The following MARCHF1 variants were observed in gnomAD, a reference collection of about 807,000 sequenced individuals.
The protein encoded by MARCHF1 is E3 ubiquitin-protein ligase MARCHF1.
In MARCHF1, 40 loss-of-function variants were observed where a neutral mutation model predicts 54.2. The ratio of observed to expected loss-of-function variants is 0.74; its 90% confidence interval spans 0.57 to 0.96. MARCHF1 has a LOEUF of 0.96. MARCHF1 is among the 40% of genes least tolerant of loss of function. MARCHF1 has a pLI of 0.00. For missense variants in MARCHF1, 586 were observed against 656.5 expected, an observed-to-expected ratio of 0.89 and a Z score of 1.17; for synonymous variants, 236 against 236.3, an observed-to-expected ratio of 1.00 and a Z score of 0.01.
rs1731275876 is a variant in MARCHF1 at position 164,196,861 on chromosome 4, C to A, written c.-322-85199G>T. Reference sequence around the variant, plus strand: ...CACTTTTCCCGTCTCATTCCCACAGCAATGTTACAATCAGAAAAAAGTAAG... The same window carrying A: ...CACTTTTCCCGTCTCATTCCCACAGAAATGTTACAATCAGAAAAAAGTAAG... On this transcript the variant is annotated intron_variant, in intron 1 of 9. Coordinates refer to ENST00000514618, the MANE Select transcript of MARCHF1 (RefSeq NM_001394959.1). 1.0e-5 allele frequency: 10 copies of A among 968,852 alleles called. No individual in the cohort carries two copies. In the South Asian group the frequency reaches 1.5e-4, roughly 15 times the overall value. The allele number at this position is 968,852 out of a possible 1,614,324, so 60.0% of individuals were successfully genotyped here. A position where few individuals can be genotyped will look rare whatever the true frequency, so the allele number is the denominator to read the frequency against.
chr4:164,160,916 C>T (rs1347118775), intron 1 of MARCHF1, among the ~76,000 whole-genome samples: 1 of 152,134 alleles, frequency 6.6e-6, no homozygotes, highest in Non-Finnish European at 1.5e-5. Flanking sequence ...TAACTCTATG[C>T]TCTTTACAAA....
At chr4:164,166,129 T>C (rs991989904) in intron 1 of MARCHF1, among the ~76,000 whole-genome samples, 3 of 152,000 alleles carry the variant, frequency 2.0e-5, no homozygotes, top group African/African-American at 7.2e-5. Context: ...GAAATTCAAA[T>C]AACTTTATGC....
chr4:163,967,800 C>G (rs550658678), intron 3 of MARCHF1, among the ~76,000 whole-genome samples: 1 of 152,198 alleles, frequency 6.6e-6, no homozygotes, highest in South Asian at 2.1e-4. Flanking sequence ...CTAGCAGGCT[C>G]GAGGCCCAGG....
chr4:163,627,590 G>A (rs577337574), intron 5 of MARCHF1, among the ~76,000 whole-genome samples: 11 of 152,054 alleles, frequency 7.2e-5, no homozygotes, highest in South Asian at 4.2e-4. Context: ...GTTAAGTATC[G>A]TTCAATCTTA....
chr4:164,323,073 A>C (rs1735183629), intron 1 of MARCHF1, among the ~76,000 whole-genome samples: 1 of 151,910 alleles, frequency 6.6e-6, no homozygotes. Flanking sequence ...TCCATTAGAA[A>C]ATTTACACCT....
At chr4:163,974,398 T>C (rs150124861) in intron 3 of MARCHF1, among the ~76,000 whole-genome samples, 13 of 152,278 alleles carry the variant, frequency 8.5e-5, no homozygotes, top group Non-Finnish European at 1.8e-4. Flanking sequence ...GTGTGGGTGT[T>C]TCAGTTGGCA....
chr4:163,683,669 C>T (rs1052069591), intron 5 of MARCHF1, among the ~76,000 whole-genome samples: 3 of 152,162 alleles, frequency 2.0e-5, no homozygotes, highest in African/African-American at 7.2e-5. Context: ...TCAGGTCTTC[C>T]TGCTGGGGTA....
chr4:163,538,530 A>G (rs1333148863), intron 9 of MARCHF1, among the ~76,000 whole-genome samples: 1 of 152,160 alleles, frequency 6.6e-6, no homozygotes, highest in Admixed American at 6.5e-5. Flanking sequence ...GCTAAGGAAT[A>G]GCCAAATCCC....
intron 8 of MARCHF1, 71 bp from the exon 9 acceptor site, chr4:163,545,814 GAC>G: frequency 2.1e-6 from 3 of 1,414,638 alleles, no homozygotes; most frequent in Admixed American, 1.8e-5. Context: ...TTATTTCCCA[GAC>G]ACAGATCATG....
chr4:164,239,371 G>T (rs1732659726), intron 1 of MARCHF1, among the ~76,000 whole-genome samples: 1 of 152,002 alleles, frequency 6.6e-6, no homozygotes, highest in African/African-American at 2.4e-5. Context: ...GCAGACACTT[G>T]AACTACTGTT....
At chr4:163,767,717 A>G in intron 4 of MARCHF1, among the ~76,000 whole-genome samples, 1 of 152,136 alleles carries the variant, frequency 6.6e-6, no homozygotes, top group Non-Finnish European at 1.5e-5. Flanking sequence ...CCTCATCTGT[A>G]TATTGAGAGA....
chr4:164,013,121 T>C (rs1480414183), intron 2 of MARCHF1, among the ~76,000 whole-genome samples: 2 of 152,146 alleles, frequency 1.3e-5, no homozygotes, highest in Non-Finnish European at 2.9e-5. Flanking sequence ...AATTGTTGTA[T>C]TGAGGAAGTT....
chr4:164,236,345 C>A (rs4574365), intron 1 of MARCHF1, among the ~76,000 whole-genome samples: 5,375 of 152,126 alleles, frequency 0.035, 177 homozygotes, highest in East Asian at 0.12. Flanking sequence ...ATGCTGCTGA[C>A]TGATTAACAC....
intron 1 of MARCHF1, among the ~76,000 whole-genome samples, chr4:164,260,867 A>C (rs1733441463): frequency 2.6e-5 from 4 of 152,204 alleles, no homozygotes; most frequent in Admixed American, 2.6e-4. Context: ...AAAAGACTAG[A>C]GCTATACCAA....
chr4:163,671,253 A>G (rs537773913), intron 5 of MARCHF1, among the ~76,000 whole-genome samples: 2 of 152,302 alleles, frequency 1.3e-5, no homozygotes, highest in South Asian at 4.1e-4. Flanking sequence ...TTCTCTGTAA[A>G]TCTGCCTTTT....
chr4:163,888,520 T>C (rs1750587734), intron 3 of MARCHF1, among the ~76,000 whole-genome samples: 1 of 152,214 alleles, frequency 6.6e-6, no homozygotes, highest in Admixed American at 6.5e-5. Context: ...TTTTATTCCT[T>C]CTGCACTTTT....
intron 9 of MARCHF1, among the ~76,000 whole-genome samples, chr4:163,541,946 G>T (rs755104933): frequency 3.9e-5 from 6 of 152,200 alleles, no homozygotes; most frequent in Admixed American, 6.5e-5. Context: ...AAATACAAAT[G>T]ATTCCCTGTA....
chr4:163,663,211 T>C (rs1384714467), intron 5 of MARCHF1, among the ~76,000 whole-genome samples: 2 of 149,054 alleles, frequency 1.3e-5, no homozygotes, highest in African/African-American at 5.0e-5. Flanking sequence ...GACTATAGTA[T>C]TTTAAATCAT....
chr4:163,843,212 T>C (rs1749391335), intron 4 of MARCHF1, among the ~76,000 whole-genome samples: 1 of 152,178 alleles, frequency 6.6e-6, no homozygotes, highest in East Asian at 1.9e-4. Flanking sequence ...TTTTCTTGGC[T>C]GCATAGTATT....
Sources: allele counts gnomAD v4.1 joint callset (sites outside exome capture counted in the v4.1 genomes callset), GRCh38; gene constraint gnomAD v4.1.1; transcripts MANE v1.5; gene names NCBI Gene and HGNC (gene_info 2026-07-23, HGNC 2026-07-21).